ADAM2: variants seen among roughly 807,000 people sequenced by gnomAD.
ADAM2 encodes the protein disintegrin and metalloproteinase domain-containing protein 2.
ADAM2 carries 101 observed loss-of-function variants against 99.3 expected under a neutral mutation model. The ratio of observed to expected loss-of-function variants is 1.02; its 90% CI spans 0.87 to 1.20. The LOEUF is 1.20. ADAM2 is among the 50% of genes most tolerant of loss of function. The pLI, the probability that ADAM2 is intolerant of heterozygous loss-of-function variation, is 0.00. For synonymous variants in ADAM2, 323 were observed against 287.6 expected (o/e 1.12, Z -1.25); for missense variants, 948 against 878.7 (o/e 1.08, Z -1.00).
intron 3 of ADAM2, among the ~76,000 whole-genome samples, chr8:39,827,276 A>T (rs1406028919): frequency 6.6e-6 from 1 of 152,178 alleles, no homozygotes; most frequent in African/African-American, 2.4e-5. Flanking sequence ...CACTTCCACA[A>T]TGTTGGTGGA....
chr8:39,761,807 C>T (rs1054486566), intron 14 of ADAM2, among the ~76,000 whole-genome samples: 2 of 152,216 alleles, frequency 1.3e-5, no homozygotes, highest in South Asian at 4.2e-4. Flanking sequence ...CATGGCCGGG[C>T]GCGGTGGTTC....
intron 3 of ADAM2, among the ~76,000 whole-genome samples, chr8:39,826,680 G>A (rs1434489717): frequency 7.3e-5 from 11 of 150,054 alleles, no homozygotes; most frequent in Admixed American, 3.3e-4. Flanking sequence ...CCGAGACAGC[G>A]CCACTGCACT....
intron 5 of ADAM2, 30 bp downstream of exon 5, chr8:39,821,556 T>A (rs1805188969): frequency 1.4e-6 from 2 of 1,438,120 alleles, no homozygotes; most frequent in Admixed American, 3.5e-5. Flanking sequence ...AATATTTTAT[T>A]TTGTAATTCA....
chr8:39,769,605 T>C, intron 11 of ADAM2, 30 bp from the exon 12 acceptor site: 2 of 1,535,362 alleles, frequency 1.3e-6, no homozygotes, highest in South Asian at 1.1e-5. Context: ...CAAATTTTAA[T>C]GTAAGGGTTT....
rs541724720 is a variant in ADAM2, at chr8:39,797,324, G to T, written c.571-8584C>A. On this transcript the variant is annotated intron_variant, in intron 7 of 20. Transcript: ENST00000265708. The stretch of plus-strand genomic sequence containing the variant: ...ATCGGAGATCCTTTCCTCATTGCTT[G>T]TTTTTGTCAGGATTGTCAAAGACCA... 2.0e-5 allele frequency among the ~76,000 whole-genome samples: 3 copies of T among 152,238 alleles called. No individual in the cohort carries two copies. The East Asian group carries it at 5.8e-4, about 29-fold the overall frequency.
At chr8:39,812,541 G>A (rs1231925751) in intron 6 of ADAM2, among the ~76,000 whole-genome samples, 1 of 152,304 alleles carries the variant, frequency 6.6e-6, no homozygotes, top group East Asian at 1.9e-4. Context: ...CAAGGCCACA[G>A]TAACCAAAAC....
chr8:39,770,606 T>C (rs1436469682), intron 11 of ADAM2, among the ~76,000 whole-genome samples: 1 of 152,208 alleles, frequency 6.6e-6, no homozygotes, highest in Non-Finnish European at 1.5e-5. Flanking sequence ...TTATATGCAG[T>C]TTAGTTTCCT....
At position 39,749,712 on chromosome 8, in the gene ADAM2, T is replaced by C; in HGVS notation, c.1830A>G (p.Ser610=). The change falls in exon 17 of 21, where the codon TCA becomes TCG. Residue 610 remains serine, a synonymous_variant. Coordinates refer to ENST00000265708, the MANE Select transcript of ADAM2 (RefSeq NM_001464.5). The stretch of plus-strand genomic sequence containing the variant: ...CAGTAGTACAATCATAACCCAAGTA[T>C]GAAGAACTCACACATCTTTGATTCC... ...VCRNQRCVSS[S]YLGYDCTTDK... The C allele has an allele frequency of 6.2e-7, 1 of 1,612,502 alleles. No homozygotes were observed.
rs556387068 is a variant in ADAM2, at chr8:39,789,996, T to G, written c.571-1256A>C. Among the ~76,000 whole-genome samples, 7 of 151,940 alleles carry G rather than the reference T, an allele frequency of 4.6e-5. No homozygotes were observed. In the East Asian group the frequency reaches 1.2e-3, roughly 25 times the overall value. ...ATCAAAACCACAAAGAGAAACAAATTCACATCCATTAGAATCACTGTAATT... is the reference window on the plus strand; with the variant it reads ...ATCAAAACCACAAAGAGAAACAAATGCACATCCATTAGAATCACTGTAATT... On this transcript the variant is annotated intron_variant, in intron 7 of 20. Transcript: ENST00000265708.
intron 3 of ADAM2, among the ~76,000 whole-genome samples, chr8:39,828,127 T>C (rs1805481754): frequency 6.6e-6 from 1 of 151,934 alleles, no homozygotes; most frequent in Admixed American, 6.5e-5. Context: ...ATATCAAAAT[T>C]AGCTTCAGAT....
intron 3 of ADAM2, among the ~76,000 whole-genome samples, chr8:39,827,444 A>G (rs780471027): frequency 6.6e-6 from 1 of 152,196 alleles, no homozygotes; most frequent in Non-Finnish European, 1.5e-5. Flanking sequence ...AACATCTCCC[A>G]GGTTTATTGC....
intron 6 of ADAM2, among the ~76,000 whole-genome samples, chr8:39,813,988 A>AT (rs1480049928): frequency 6.6e-6 from 1 of 151,742 alleles, no homozygotes; most frequent in Non-Finnish European, 1.5e-5. Context: ...GAAAAAAAAA[A>AT]GAAAAGAAAA....
At chr8:39,803,408 C>T (rs1256359554) in intron 7 of ADAM2, among the ~76,000 whole-genome samples, 2 of 152,146 alleles carry the variant, frequency 1.3e-5, no homozygotes, top group Non-Finnish European at 2.9e-5. Context: ...AGGGGATTCT[C>T]GCAACCAATC....
chr8:39,787,887 G>T (rs372873175), intron 9 of ADAM2, among the ~76,000 whole-genome samples, 198 bp downstream of exon 9: 1 of 151,616 alleles, frequency 6.6e-6, no homozygotes, highest in Non-Finnish European at 1.5e-5. Flanking sequence ...AGATTGGGGA[G>T]TGAGTTTTAA....
chr8:39,783,283 T>C (rs541100283), intron 10 of ADAM2, among the ~76,000 whole-genome samples: 9 of 152,206 alleles, frequency 5.9e-5, no homozygotes, highest in Non-Finnish European at 1.2e-4. Context: ...GCAATGTTTC[T>C]CTTTGGTATA....
At chr8:39,814,873 T>TA (rs1804874508) in intron 6 of ADAM2, among the ~76,000 whole-genome samples, 1 of 151,090 alleles carries the variant, frequency 6.6e-6, no homozygotes, top group African/African-American at 2.4e-5. Context: ...TATGTGATGA[T>TA]AACAAGCTCA....
At chr8:39,835,639 C>A (rs1287204876) in intron 2 of ADAM2, among the ~76,000 whole-genome samples, 42 of 149,888 alleles carry the variant, frequency 2.8e-4, no homozygotes, top group Admixed American at 2.7e-3. Context: ...GCCGAGGTTG[C>A]GCCACTGCAC....
At chr8:39,746,306 C>T (rs142576623) in intron 19 of ADAM2, among the ~76,000 whole-genome samples, 166 bp downstream of exon 19, 2,242 of 152,066 alleles carry the variant, frequency 0.015, 59 homozygotes, top group African/African-American at 0.051. Context: ...GGATGACAGG[C>T]GTGAGCCACC....
intron 7 of ADAM2, among the ~76,000 whole-genome samples, chr8:39,799,406 T>C (rs1804112195): frequency 6.6e-6 from 1 of 152,226 alleles, no homozygotes; most frequent in Non-Finnish European, 1.5e-5. Flanking sequence ...TGAGAAACTG[T>C]TATGATTTCA....
Sources: allele counts gnomAD v4.1 joint callset (sites outside exome capture counted in the v4.1 genomes callset), GRCh38; gene constraint gnomAD v4.1.1; transcripts MANE v1.5; gene names NCBI Gene and HGNC (gene_info 2026-07-23, HGNC 2026-07-21).